NFIA: variants seen among roughly 807,000 people sequenced by gnomAD.
NFIA encodes the protein nuclear factor I A.
Under a neutral mutation model 62.8 loss-of-function variants are expected in NFIA, and 8 were observed. The observed-to-expected ratio is 0.13, with a 90% CI of 0.07 to 0.23. NFIA has a LOEUF of 0.23. Ranked by LOEUF, NFIA falls within the 10% of genes least tolerant of loss-of-function variation. NFIA has a pLI of 1.00. For synonymous variants in NFIA, 235 were observed against 238.1 expected, an observed-to-expected ratio of 0.99 and a Z score of 0.12; for missense variants, 410 against 642.1, an observed-to-expected ratio of 0.64 and a Z score of 3.91.
At chr1:61,265,661 G>A (rs1360083494) in intron 2 of NFIA, among the ~76,000 whole-genome samples, 2 of 152,140 alleles carry the variant, frequency 1.3e-5, no homozygotes, top group Admixed American at 1.3e-4. Context: ...CGTAGAGAAG[G>A]TATATCTAAA....
intron 2 of NFIA, among the ~76,000 whole-genome samples, chr1:61,129,982 G>T (rs942183052): frequency 6.6e-6 from 1 of 152,122 alleles, no homozygotes; most frequent in Non-Finnish European, 1.5e-5. Flanking sequence ...TGGCTTGATA[G>T]GCAAGGAAAT....
intron 2 of NFIA, among the ~76,000 whole-genome samples, chr1:61,188,444 G>T (rs1015298242): frequency 1.4e-4 from 21 of 151,920 alleles, no homozygotes; most frequent in Admixed American, 2.0e-4. Context: ...TTTTTTTTCT[G>T]TTCTATTTTA....
chr1:61,220,262 T>C lies in NFIA; in HGVS notation c.560-57258T>C, dbSNP rs74090325. 5.6e-3 allele frequency among the ~76,000 whole-genome samples: 850 copies of C among 152,330 alleles called. 5 individuals carry two copies. Among genetic ancestry groups the C allele is most frequent in the African/African-American group, 0.019 (790 of 41,574 alleles). ...TCTGCATGTGTGTGTACATGTGTGT[T>C]TCTTCCCTGTTCATATTGCCTCCCT... On this transcript the variant is annotated intron_variant, in intron 2 of 10. Transcript: ENST00000403491.
At position 61,179,257 on chromosome 1, in the gene NFIA, C is replaced by T. The variant is rs1650594129; in HGVS notation, c.559+90577C>T. On this transcript the variant is annotated intron_variant, in intron 2 of 10. Transcript: ENST00000403491. ...ATAAAGATGCATCCAGACTGATGCA[C>T]CTGGCTTTGGGGGTGACAACCTTGT... Among the ~76,000 whole-genome samples the T allele has an allele frequency of 2.0e-5, 3 of 152,194 alleles. No individual in the cohort carries two copies. The South Asian group carries it at 6.2e-4, about 31-fold the overall frequency.
intron 2 of NFIA, among the ~76,000 whole-genome samples, chr1:61,192,331 T>A (rs1481234310): frequency 5.3e-5 from 8 of 152,146 alleles, no homozygotes; most frequent in Admixed American, 5.2e-4. Flanking sequence ...CAACAAAAAA[T>A]TTATTTTTCT....
chr1:61,336,305 A>C (rs1361772841), intron 4 of NFIA, among the ~76,000 whole-genome samples: 1 of 152,202 alleles, frequency 6.6e-6, no homozygotes, highest in African/African-American at 2.4e-5. Context: ...AAGATACTTA[A>C]TTAATTTTTT....
chr1:61,184,126 AAAAAAAAAAAAAAAAACCC>A (rs985904059), intron 2 of NFIA, among the ~76,000 whole-genome samples: 16 of 78,560 alleles, frequency 2.0e-4, no homozygotes, highest in Admixed American at 9.3e-4. Flanking sequence ...AAAAAAAACC[AAAAAAAAAAAAAAAAACCC>A]AAAAAAACAA....
chr1:61,410,653 A>T (rs1356406361), intron 9 of NFIA, among the ~76,000 whole-genome samples: 2 of 152,218 alleles, frequency 1.3e-5, no homozygotes, highest in Non-Finnish European at 2.9e-5. Context: ...CTGTAGACCC[A>T]GCACTTTGGG....
chr1:61,101,126 T>C (rs2100435965), intron 2 of NFIA, among the ~76,000 whole-genome samples: 1 of 152,260 alleles, frequency 6.6e-6, no homozygotes, highest in East Asian at 1.9e-4. Flanking sequence ...CCAGGCACAG[T>C]GGCTCATGCC....
At chr1:61,168,866 CT>C (rs1239494354) in intron 2 of NFIA, among the ~76,000 whole-genome samples, 2 of 152,042 alleles carry the variant, frequency 1.3e-5, no homozygotes, top group Admixed American at 6.6e-5. Context: ...TCAGCATTTC[CT>C]TTTTTGCAGC....
chr1:61,386,833 A>G (rs186723644), intron 7 of NFIA, among the ~76,000 whole-genome samples: 11 of 152,314 alleles, frequency 7.2e-5, no homozygotes, highest in Admixed American at 2.0e-4. Context: ...TGGTCTATAA[A>G]CAACAGAAAT....
chr1:61,088,722 G>GTTTC lies in NFIA; in HGVS notation c.559+47_559+50dup. 1 of 1,572,942 alleles carries GTTTC rather than the reference G, an allele frequency of 6.4e-7. No homozygotes were observed. The highest frequency in any genetic ancestry group is 1.8e-5 in the Admixed American group (1 of 56,302). ...GAATTCCTCCCACTTTCTTGTGTGT[G>GTTTC]TTTCTTTCCTGATGGCCTCCGCGTT... On this transcript the variant is annotated intron_variant, in intron 2 of 10. Coordinates refer to ENST00000403491, the MANE Select transcript of NFIA (RefSeq NM_001134673.4). The surrounding 1 kb of genome is among the most constrained non-coding windows in gnomAD (Gnocchi z 4.5).
At chr1:61,321,711 G>T (rs550298892) in intron 3 of NFIA, among the ~76,000 whole-genome samples, 1 of 151,920 alleles carries the variant, frequency 6.6e-6, no homozygotes, top group Admixed American at 6.6e-5. Flanking sequence ...ACTACTAGAT[G>T]AACTTTAAGG....
intron 2 of NFIA, among the ~76,000 whole-genome samples, chr1:61,239,294 T>C (rs1336539789): frequency 6.6e-6 from 1 of 152,196 alleles, no homozygotes; most frequent in Non-Finnish European, 1.5e-5. Context: ...TTTGGTTTCT[T>C]TGAAACTAAA....
intron 10 of NFIA, among the ~76,000 whole-genome samples, chr1:61,442,884 A>G (rs1426803562): frequency 6.6e-6 from 1 of 152,188 alleles, no homozygotes; most frequent in African/African-American, 2.4e-5. Flanking sequence ...GCTGCTCCCA[A>G]AGAAACCAGT....
intron 10 of NFIA, among the ~76,000 whole-genome samples, chr1:61,427,989 G>A (rs562312233): frequency 1.8e-3 from 278 of 152,266 alleles, no homozygotes; most frequent in Non-Finnish European, 3.3e-3. Context: ...TACATTTGGC[G>A]TAAGTGTCCA....
At chr1:61,309,664 G>T (rs1460129410) in intron 3 of NFIA, among the ~76,000 whole-genome samples, 4 of 152,210 alleles carry the variant, frequency 2.6e-5, no homozygotes, top group Admixed American at 2.6e-4. Context: ...GCCAGGGTGG[G>T]TGGATCACGA....
At chr1:61,128,921 T>G (rs1647024506) in intron 2 of NFIA, among the ~76,000 whole-genome samples, 1 of 125,648 alleles carries the variant, frequency 8.0e-6, no homozygotes, top group Non-Finnish European at 1.7e-5. Flanking sequence ...TTATGTTTTT[T>G]TTTTTTTTTT....
chr1:61,363,125 A>G (rs556412904), intron 6 of NFIA, among the ~76,000 whole-genome samples: 89 of 152,280 alleles, frequency 5.8e-4, no homozygotes, highest in African/African-American at 2.1e-3. Flanking sequence ...AAAAACTGAG[A>G]CTCATAAAAG....
Sources: allele counts gnomAD v4.1 joint callset (sites outside exome capture counted in the v4.1 genomes callset), GRCh38; gene constraint gnomAD v4.1.1; non-coding constraint Gnocchi (gnomAD v3.1); transcripts MANE v1.5; gene names NCBI Gene and HGNC (gene_info 2026-07-23, HGNC 2026-07-21).